Variants in PRKN observed in about 807,000 individuals in gnomAD.
PRKN encodes parkin RBR E3 ubiquitin protein ligase.
In PRKN, 56 loss-of-function variants were observed where a neutral mutation model predicts 59.5. The observed-to-expected ratio is 0.94, with a 90% CI of 0.76 to 1.18. PRKN has a LOEUF of 1.18. Ranked by LOEUF, PRKN falls within the 50% of genes most tolerant of loss-of-function variation. The pLI is 0.00. For synonymous variants in PRKN, 250 were observed against 222.1 expected (o/e 1.13, Z -1.12); for missense variants, 657 against 596.4 (o/e 1.10, Z -1.06).
intron 6 of PRKN, among the ~76,000 whole-genome samples, chr6:161,934,347 AG>A (rs1296634980): frequency 6.6e-6 from 1 of 152,228 alleles, no homozygotes; most frequent in Non-Finnish European, 1.5e-5. Context: ...GTATTTTTAT[AG>A]CAGTGTGAGA....
intron 6 of PRKN, among the ~76,000 whole-genome samples, chr6:161,860,789 C>A (rs1360764087): frequency 6.6e-6 from 1 of 152,144 alleles, no homozygotes; most frequent in Non-Finnish European, 1.5e-5. Flanking sequence ...AGACACTTCT[C>A]AAAAGAAGAC....
chr6:161,883,709 G>A (rs1264268693), intron 6 of PRKN, among the ~76,000 whole-genome samples: 2 of 152,010 alleles, frequency 1.3e-5, no homozygotes, highest in African/African-American at 4.8e-5. Flanking sequence ...GAGCGCAGTG[G>A]TGAGAACTCA....
intron 2 of PRKN, among the ~76,000 whole-genome samples, chr6:162,344,796 G>A (rs967408725): frequency 1.3e-5 from 2 of 152,182 alleles, no homozygotes; most frequent in Non-Finnish European, 2.9e-5. Context: ...TGTGCCCCAG[G>A]GAACCTGAAT....
intron 9 of PRKN, among the ~76,000 whole-genome samples, chr6:161,465,322 G>A (rs776961935): frequency 5.3e-5 from 8 of 152,064 alleles, no homozygotes; most frequent in African/African-American, 1.9e-4. Flanking sequence ...ATTTTTATAC[G>A]TTCTGATGTT....
At chr6:162,556,045 T>C (rs969163614) in intron 1 of PRKN, among the ~76,000 whole-genome samples, 3 of 147,022 alleles carry the variant, frequency 2.0e-5, no homozygotes, top group Non-Finnish European at 3.0e-5. Flanking sequence ...GAGAAGGAAA[T>C]GGCAGCTTAG....
At chr6:162,040,860 A>G (rs1233458126) in intron 5 of PRKN, among the ~76,000 whole-genome samples, 1 of 152,038 alleles carries the variant, frequency 6.6e-6, no homozygotes, top group Non-Finnish European at 1.5e-5. Context: ...AAGAAAAACA[A>G]CAAGAATCAG....
At chr6:162,041,723 A>G (rs527773213) in intron 5 of PRKN, among the ~76,000 whole-genome samples, 55 of 152,342 alleles carry the variant, frequency 3.6e-4, no homozygotes, top group African/African-American at 1.2e-3. Context: ...CTAAGGAACC[A>G]CAATTTAAAC....
intron 6 of PRKN, among the ~76,000 whole-genome samples, chr6:161,927,616 C>G (rs1275789936): frequency 6.6e-6 from 1 of 151,964 alleles, no homozygotes; most frequent in African/African-American, 2.4e-5. Context: ...GGAAATCAAT[C>G]TAAACAATAA....
chr6:162,327,915 C>T (rs940923319), intron 2 of PRKN, among the ~76,000 whole-genome samples: 3 of 152,060 alleles, frequency 2.0e-5, no homozygotes, highest in East Asian at 1.9e-4. Flanking sequence ...TCTTCCCCAG[C>T]GTTTCTCAAT....
chr6:162,168,875 T>A (rs1783118297), intron 4 of PRKN, among the ~76,000 whole-genome samples: 1 of 151,746 alleles, frequency 6.6e-6, no homozygotes, highest in African/African-American at 2.4e-5. Flanking sequence ...TGCAAAAGAG[T>A]ATATGTACAC....
chr6:162,233,814 G>A (rs945253239), intron 3 of PRKN, among the ~76,000 whole-genome samples: 1 of 152,178 alleles, frequency 6.6e-6, no homozygotes, highest in African/African-American at 2.4e-5. Context: ...GGTTTCATAG[G>A]AAGAGAAGGA....
At chr6:162,124,578 T>C (rs1218940371) in intron 4 of PRKN, among the ~76,000 whole-genome samples, 1 of 152,032 alleles carries the variant, frequency 6.6e-6, no homozygotes, top group African/African-American at 2.4e-5. Context: ...GCTGGGTGAA[T>C]GGAGTATGAA....
rs969431386 is a variant in PRKN, at chr6:161,421,862, G to A, written c.1084-34985C>T. Among the ~76,000 whole-genome samples, 41 of 152,252 alleles carry A rather than the reference G, an allele frequency of 2.7e-4. 1 individual carries two copies. The highest frequency in any genetic ancestry group is 6.2e-4 in the South Asian group (3 of 4,830). ...TAGTCAGAGATTTACTATCAGTGGTGTTGAAGAAATTCTTGGTATATTCTT... is the reference window on the plus strand; with the variant it reads ...TAGTCAGAGATTTACTATCAGTGGTATTGAAGAAATTCTTGGTATATTCTT... On this transcript the variant is annotated intron_variant, in intron 9 of 11. Coordinates refer to ENST00000366898, the MANE Select transcript of PRKN (RefSeq NM_004562.3).
At chr6:162,467,493 G>A (rs961965110) in intron 1 of PRKN, among the ~76,000 whole-genome samples, 2 of 152,056 alleles carry the variant, frequency 1.3e-5, no homozygotes, top group African/African-American at 2.4e-5. Context: ...TTTAGCGATC[G>A]TCATCAGTGT....
chr6:161,716,662 G>C (rs115293120), intron 7 of PRKN, among the ~76,000 whole-genome samples: 1,765 of 152,304 alleles, frequency 0.012, 36 homozygotes, highest in South Asian at 0.043. Context: ...TTTCACTGAG[G>C]TTGGGCAGAC....
chr6:162,579,905 A>G (rs898640481), intron 1 of PRKN, among the ~76,000 whole-genome samples: 11 of 152,190 alleles, frequency 7.2e-5, no homozygotes, highest in African/African-American at 2.7e-4. Flanking sequence ...CGACATATAC[A>G]CAGAACCTCC....
At chr6:161,723,357 A>G (rs945282504) in intron 7 of PRKN, among the ~76,000 whole-genome samples, 20 of 151,984 alleles carry the variant, frequency 1.3e-4, no homozygotes, top group African/African-American at 4.6e-4. Context: ...TTTAAAGTTC[A>G]TGGTAATATG....
intron 3 of PRKN, among the ~76,000 whole-genome samples, chr6:162,216,487 G>T (rs868060321): frequency 7.0e-5 from 9 of 128,546 alleles, no homozygotes; most frequent in African/African-American, 2.7e-4. Flanking sequence ...CCGAGATTGC[G>T]CCACTGCAGT....
chr6:161,909,483 G>A (rs1778274058), intron 6 of PRKN, among the ~76,000 whole-genome samples: 1 of 152,160 alleles, frequency 6.6e-6, no homozygotes, highest in East Asian at 1.9e-4. Flanking sequence ...GAAAACGAGA[G>A]AGAGCGCTTG....
Sources: allele counts gnomAD v4.1 joint callset (sites outside exome capture counted in the v4.1 genomes callset), GRCh38; gene constraint gnomAD v4.1.1; transcripts MANE v1.5; gene names NCBI Gene and HGNC (gene_info 2026-07-23, HGNC 2026-07-21).